SCD5: variants seen among roughly 807,000 people sequenced by gnomAD.
SCD5 encodes acyl-CoA-desaturase 4.
Under a neutral mutation model 30.4 loss-of-function variants are expected in SCD5, and 20 were observed. The observed-to-expected ratio is 0.66, with a 90% CI of 0.46 to 0.96. The LOEUF is 0.96. Ranked by LOEUF, SCD5 falls within the 40% of genes least tolerant of loss-of-function variation. The pLI, the probability that SCD5 is intolerant of heterozygous loss-of-function variation, is 0.00. For synonymous variants in SCD5, 173 were observed against 176.4 expected, an observed-to-expected ratio of 0.98 and a Z score of 0.16; for missense variants, 381 against 443.3, an observed-to-expected ratio of 0.86 and a Z score of 1.26.
intron 3 of SCD5, among the ~76,000 whole-genome samples, chr4:82,659,004 A>G (rs1727928695): frequency 6.6e-6 from 1 of 152,038 alleles, no homozygotes; most frequent in Admixed American, 6.5e-5. Flanking sequence ...TACTGCCTCA[A>G]TTTCAGAACT....
intron 1 of SCD5, among the ~76,000 whole-genome samples, chr4:82,786,517 C>T (rs1275732777): frequency 6.6e-6 from 1 of 152,122 alleles, no homozygotes. Flanking sequence ...AGGCAATCTT[C>T]GGCCAGGCGC....
At chr4:82,667,297 C>CACGT (rs1728213086) in intron 3 of SCD5, among the ~76,000 whole-genome samples, 1 of 152,160 alleles carries the variant, frequency 6.6e-6, no homozygotes, top group Non-Finnish European at 1.5e-5. Context: ...CGCACGCACG[C>CACGT]ACGCATGCAA....
intron 2 of SCD5, among the ~76,000 whole-genome samples, chr4:82,685,658 A>AG (rs1560533560): frequency 5.3e-5 from 1 of 19,042 alleles, no homozygotes; most frequent in African/African-American, 2.5e-4. Flanking sequence ...CATTGCAGTG[A>AG]GCGAGATCAC....
intron 1 of SCD5, among the ~76,000 whole-genome samples, chr4:82,766,899 A>G (rs1483523543): frequency 6.6e-6 from 1 of 152,056 alleles, no homozygotes; most frequent in Non-Finnish European, 1.5e-5. Context: ...GCTGGTCTCA[A>G]ACTCCTAACC....
intron 1 of SCD5, among the ~76,000 whole-genome samples, chr4:82,761,441 T>C (rs892953692): frequency 6.6e-6 from 1 of 152,178 alleles, no homozygotes; most frequent in Non-Finnish European, 1.5e-5. Flanking sequence ...GCTGTTTCCA[T>C]GGAGACAGTG....
chr4:82,654,063 G>A (rs1409685797), intron 3 of SCD5, among the ~76,000 whole-genome samples: 1 of 152,034 alleles, frequency 6.6e-6, no homozygotes, highest in Non-Finnish European at 1.5e-5. Context: ...GATTACAGGT[G>A]TCTGCCACCA....
intron 1 of SCD5, among the ~76,000 whole-genome samples, chr4:82,722,991 C>A (rs888011719): frequency 6.7e-6 from 1 of 149,796 alleles, no homozygotes; most frequent in African/African-American, 2.5e-5. Flanking sequence ...GCAGGAGAAT[C>A]GCTTGAACCT....
At chr4:82,700,149 G>A (rs1045027588) in intron 2 of SCD5, among the ~76,000 whole-genome samples, 25 of 152,080 alleles carry the variant, frequency 1.6e-4, no homozygotes, top group South Asian at 1.2e-3. Context: ...CCTGGGAGGC[G>A]GAGGTTGCAG....
At chr4:82,648,869 A>G (rs17005990) in intron 3 of SCD5, among the ~76,000 whole-genome samples, 16,503 of 152,234 alleles carry the variant, frequency 0.11, 1,058 homozygotes, top group African/African-American at 0.17. Context: ...CTAAGAGTAC[A>G]AAATTATGAG....
intron 1 of SCD5, among the ~76,000 whole-genome samples, chr4:82,709,885 G>A (rs1056394852): frequency 6.6e-6 from 1 of 152,200 alleles, no homozygotes; most frequent in Admixed American, 6.5e-5. Context: ...CTCACTGACG[G>A]CCTGCCCTGG....
At position 82,631,242 on chromosome 4, in the gene SCD5, A is replaced by C; in HGVS notation, c.*85T>G. 8.4e-7 allele frequency: 1 copy of C among 1,191,294 alleles called. No individual in the cohort carries two copies. The highest frequency in any genetic ancestry group is 1.2e-6 in the Non-Finnish European group (1 of 863,910). 73.8% of individuals were successfully genotyped at this position (1,191,294 alleles called of 1,614,324 possible). On this transcript the variant is annotated 3_prime_UTR_variant, in exon 5 of 5. Transcript: ENST00000319540. ...CCTTCCCCACCCTCTGCCCCCTCCC[A>C]CGATCCAATGTACAAGAGAGCTATT...
At chr4:82,685,223 G>C (rs1361278776) in intron 2 of SCD5, among the ~76,000 whole-genome samples, 1 of 152,138 alleles carries the variant, frequency 6.6e-6, no homozygotes, top group African/African-American at 2.4e-5. Flanking sequence ...CGAGAGAGGA[G>C]TAGGAACAGA....
chr4:82,718,283 C>T (rs1247703475), intron 1 of SCD5, among the ~76,000 whole-genome samples: 4 of 151,734 alleles, frequency 2.6e-5, no homozygotes, highest in African/African-American at 9.7e-5. Flanking sequence ...AGGCCCTAGG[C>T]ATCACTGTTG....
chr4:82,638,688 T>C (rs983086636), intron 3 of SCD5, among the ~76,000 whole-genome samples: 19 of 152,278 alleles, frequency 1.2e-4, no homozygotes, highest in African/African-American at 4.3e-4. Flanking sequence ...GTTACATCCG[T>C]GCCAGCAGGT....
intron 4 of SCD5, among the ~76,000 whole-genome samples, chr4:82,635,911 A>C (rs1317288594): frequency 6.6e-6 from 1 of 152,164 alleles, no homozygotes; most frequent in African/African-American, 2.4e-5. Context: ...CTTTGTTTGA[A>C]GGCCTTTTTT....
At chr4:82,716,972 A>G (rs961331527) in intron 1 of SCD5, among the ~76,000 whole-genome samples, 1 of 151,842 alleles carries the variant, frequency 6.6e-6, no homozygotes, top group African/African-American at 2.4e-5. Flanking sequence ...TGGGTATTAT[A>G]AGTAATCTAG....
intron 1 of SCD5, among the ~76,000 whole-genome samples, chr4:82,752,833 A>T (rs1390319899): frequency 1.3e-5 from 2 of 152,166 alleles, no homozygotes; most frequent in African/African-American, 4.8e-5. Flanking sequence ...AATGGATACA[A>T]ATTGAATCCT....
chr4:82,658,833 G>C (rs1469052733), intron 3 of SCD5, among the ~76,000 whole-genome samples: 3 of 13,378 alleles, frequency 2.2e-4, no homozygotes, highest in Non-Finnish European at 3.5e-4. Context: ...TTGGTATCAG[G>C]AGCTGCTGGT....
At chr4:82,746,746 G>A (rs779668960) in intron 1 of SCD5, among the ~76,000 whole-genome samples, 3 of 151,938 alleles carry the variant, frequency 2.0e-5, no homozygotes, top group African/African-American at 4.8e-5. Context: ...ACATTGATAC[G>A]GGAAAGAGCA....
Sources: gnomAD v4.1 joint callset for allele counts (sites outside exome capture counted in the v4.1 genomes callset) on GRCh38, gnomAD v4.1.1 for gene constraint, MANE v1.5 for transcripts, NCBI Gene and HGNC (gene_info 2026-07-23, HGNC 2026-07-21) for gene names.